Variants in NTM observed in about 807,000 individuals in gnomAD.
NTM encodes the protein neurotrimin.
Under a neutral mutation model 42.1 loss-of-function variants are expected in NTM, and 13 were observed. The ratio of observed to expected loss-of-function variants is 0.31; its 90% CI spans 0.20 to 0.49. The LOEUF is 0.49. Among genes scored for constraint, NTM ranks in the 20% least tolerant of loss-of-function variants. The probability of loss-of-function intolerance (pLI) is 0.99; values close to 1 mark genes in which losing one functional copy is unlikely to be tolerated. For missense variants in NTM, 373 were observed against 452.8 expected (o/e 0.82, Z 1.60); for synonymous variants, 187 against 179.2 (o/e 1.04, Z -0.35).
At chr11:131,789,645 G>GAAGAAGAAGAAGAAGAA in intron 1 of NTM, among the ~76,000 whole-genome samples, 1 of 128,244 alleles carries the variant, frequency 7.8e-6, no homozygotes, top group Admixed American at 1.0e-4. Context: ...AAAAGAAGAA[G>GAAGAAGAAGAAGAAGAA]AAGAAGAAGA....
intron 1 of NTM, chr11:131,773,973 A>T: frequency 1.0e-6 from 1 of 980,820 alleles, no homozygotes; most frequent in Non-Finnish European, 1.2e-6. Flanking sequence ...CAATAGTGTT[A>T]AGGACCTCCA....
At chr11:131,421,729 A>T (rs1947549287) in intron 1 of NTM, among the ~76,000 whole-genome samples, 1 of 152,170 alleles carries the variant, frequency 6.6e-6, no homozygotes, top group African/African-American at 2.4e-5. Context: ...ACTGCTGACT[A>T]ACCTACATAT....
At chr11:131,928,078 T>C (rs1415403101) in intron 2 of NTM, among the ~76,000 whole-genome samples, 2 of 152,212 alleles carry the variant, frequency 1.3e-5, no homozygotes, top group East Asian at 3.9e-4. Flanking sequence ...AATTATATCT[T>C]AATACCTACC....
intron 4 of NTM, among the ~76,000 whole-genome samples, chr11:132,294,894 C>A (rs1450522297): frequency 6.6e-6 from 1 of 152,246 alleles, no homozygotes; most frequent in African/African-American, 2.4e-5. Context: ...CTCTCTGAGA[C>A]CATTTTTATT....
intron 1 of NTM, among the ~76,000 whole-genome samples, chr11:131,523,724 G>C (rs1401906134): frequency 6.8e-6 from 1 of 147,558 alleles, no homozygotes; most frequent in East Asian, 2.0e-4. Context: ...AGGTGGCAGA[G>C]GTTGCAGTGA....
intron 1 of NTM, among the ~76,000 whole-genome samples, chr11:131,414,569 G>A (rs1160396564): frequency 6.6e-6 from 1 of 152,170 alleles, no homozygotes; most frequent in Non-Finnish European, 1.5e-5. Context: ...GGAGGAGAAA[G>A]GATCAAGGGC....
chr11:131,929,394 G>A (rs1043764644), intron 2 of NTM, among the ~76,000 whole-genome samples: 12 of 152,250 alleles, frequency 7.9e-5, no homozygotes, highest in South Asian at 2.1e-4. Flanking sequence ...TTTATTCTTC[G>A]TCTTATGGGA....
intron 1 of NTM, among the ~76,000 whole-genome samples, chr11:131,724,069 G>A (rs185633837): frequency 1.3e-5 from 2 of 152,292 alleles, no homozygotes; most frequent in African/African-American, 4.8e-5. Flanking sequence ...AGTCAGAGGA[G>A]GGAGGGACAA....
intron 2 of NTM, among the ~76,000 whole-genome samples, chr11:132,080,225 G>T (rs1330766303): frequency 6.6e-6 from 1 of 152,002 alleles, no homozygotes; most frequent in African/African-American, 2.4e-5. Context: ...CCCTCCCATT[G>T]AGTAAGCAAC....
intron 4 of NTM, among the ~76,000 whole-genome samples, chr11:132,215,786 C>A (rs912261577): frequency 2.6e-4 from 39 of 152,236 alleles, no homozygotes; most frequent in African/African-American, 9.4e-4. Context: ...CCTGACTCTG[C>A]ACAACTGGTT....
At chr11:132,192,114 T>G (rs529833409) in intron 3 of NTM, among the ~76,000 whole-genome samples, 1 of 152,250 alleles carries the variant, frequency 6.6e-6, no homozygotes, top group African/African-American at 2.4e-5. Flanking sequence ...CCAAAAAATT[T>G]TCCCAGTGTG....
chr11:131,880,813 C>A (rs1185132147), intron 1 of NTM, among the ~76,000 whole-genome samples: 1 of 143,950 alleles, frequency 6.9e-6, no homozygotes, highest in African/African-American at 2.7e-5. Context: ...TTTTTTTTTT[C>A]TTTTGCCCCC....
chr11:131,711,589 T>G (rs1257702272), intron 1 of NTM, among the ~76,000 whole-genome samples: 1 of 152,154 alleles, frequency 6.6e-6, no homozygotes, highest in East Asian at 1.9e-4. Context: ...CTCAGGGATC[T>G]AGAACTAGAA....
Position 131,795,279 on chromosome 11 carries a change from G to C in NTM, c.83-116285G>C, listed in dbSNP as rs566484670. On this transcript the variant is annotated intron_variant, in intron 1 of 8. Transcript: ENST00000683400. ...TAGGATAATCATTTCTTCCTTATAG[G>C]GTTGTTGTTAGGATTTAATGAGAGA... is the stretch of plus-strand genomic sequence containing the variant. 2.8e-5 allele frequency: 14 copies of C among 506,598 alleles called. No homozygotes were observed. The South Asian group carries it at 1.1e-3, about 40-fold the overall frequency. 31.4% of individuals were successfully genotyped at this position (506,598 alleles called of 1,614,324 possible). A position where few individuals can be genotyped will look rare whatever the true frequency, so the allele number is the denominator to read the frequency against.
intron 2 of NTM, among the ~76,000 whole-genome samples, chr11:132,132,118 A>C (rs2066930743): frequency 6.6e-6 from 1 of 152,180 alleles, no homozygotes; most frequent in Admixed American, 6.5e-5. Context: ...CCGAGGATAC[A>C]TTCCTCTGCC....
intron 3 of NTM, among the ~76,000 whole-genome samples, chr11:132,200,485 G>T (rs2080989803): frequency 6.6e-6 from 1 of 152,192 alleles, no homozygotes; most frequent in African/African-American, 2.4e-5. Flanking sequence ...CTGCAGTCAT[G>T]GGGTGAGGTG....
intron 1 of NTM, among the ~76,000 whole-genome samples, chr11:131,616,525 A>G (rs1044639549): frequency 3.9e-5 from 6 of 152,284 alleles, no homozygotes; most frequent in African/African-American, 1.2e-4. Flanking sequence ...GCTCAGGGAA[A>G]CGTCTGCAAG....
chr11:131,971,687 G>A (rs2063548643), intron 2 of NTM, among the ~76,000 whole-genome samples: 1 of 151,318 alleles, frequency 6.6e-6, no homozygotes, highest in Admixed American at 6.6e-5. Context: ...ATGTAAAACT[G>A]ATATATTAAA....
intron 1 of NTM, among the ~76,000 whole-genome samples, chr11:131,768,108 C>G (rs1283063896): frequency 7.0e-6 from 1 of 142,800 alleles, no homozygotes; most frequent in Non-Finnish European, 1.5e-5. Flanking sequence ...CCATTGAACA[C>G]TTGCAAAAAC....
Sources: allele counts gnomAD v4.1 joint callset (sites outside exome capture counted in the v4.1 genomes callset), GRCh38; gene constraint gnomAD v4.1.1; transcripts MANE v1.5; gene names NCBI Gene and HGNC (gene_info 2026-07-23, HGNC 2026-07-21).